Variants in UBE2B observed in about 807,000 individuals in gnomAD.
UBE2B encodes ubiquitin-conjugating enzyme E2 B.
A neutral mutation model predicts 24.6 loss-of-function variants in UBE2B; 11 were observed. That is an observed-to-expected ratio of 0.45 (90% CI 0.28 to 0.74). The LOEUF is 0.74. Among genes scored for constraint, UBE2B ranks in the 30% least tolerant of loss-of-function variants. The probability of loss-of-function intolerance (pLI) is 0.13; values close to 1 mark genes in which losing one functional copy is unlikely to be tolerated. For missense variants in UBE2B, 78 were observed against 185.6 expected (o/e 0.42, Z 3.37); for synonymous variants, 68 against 62.4 (o/e 1.09, Z -0.42).
chr5:134,378,435 T>G (rs1017088427), intron 3 of UBE2B, among the ~76,000 whole-genome samples: 47 of 152,222 alleles, frequency 3.1e-4, no homozygotes, highest in African/African-American at 1.1e-3. Flanking sequence ...AATTTTTGTA[T>G]TTTTAGTAGA....
At chr5:134,386,372 G>T (rs1225700517) in intron 4 of UBE2B, among the ~76,000 whole-genome samples, 1 of 151,202 alleles carries the variant, frequency 6.6e-6, no homozygotes, top group African/African-American at 2.4e-5. Flanking sequence ...GCTCATGCTT[G>T]TAATCCCAGC....
At chr5:134,373,814 T>C (rs1398219831) in intron 1 of UBE2B, among the ~76,000 whole-genome samples, 1 of 152,224 alleles carries the variant, frequency 6.6e-6, no homozygotes, top group Non-Finnish European at 1.5e-5. Flanking sequence ...GGACATGAAC[T>C]CATCCTTTTT....
At chr5:134,376,753 T>C in intron 3 of UBE2B, 59 bp downstream of exon 3, 2 of 1,505,708 alleles carry the variant, frequency 1.3e-6, no homozygotes, top group Non-Finnish European at 1.8e-6. Flanking sequence ...AGTAGAAAAT[T>C]GTAACACCAA....
At position 134,390,130 on chromosome 5, in the gene UBE2B, T is replaced by C; in HGVS notation, c.331-95T>C. ...TGTTAATCTCTGAAGTAATTTGTTG[T>C]TTTGTATAACTTTTCTGTAATATAT... On this transcript the variant is annotated intron_variant, in intron 5 of 5. Transcript: ENST00000265339. The surrounding 1 kb of genome is among the most constrained non-coding windows in gnomAD (Gnocchi z 4.6). The C allele has an allele frequency of 6.7e-7, 1 of 1,491,308 alleles. No individual in the cohort carries two copies. The highest frequency in any genetic ancestry group is 9.2e-7 in the Non-Finnish European group (1 of 1,083,816). 92.4% of individuals were successfully genotyped at this position (1,491,308 alleles called of 1,614,324 possible).
intron 2 of UBE2B, among the ~76,000 whole-genome samples, chr5:134,375,396 A>G (rs1758580867): frequency 6.6e-6 from 1 of 152,098 alleles, no homozygotes; most frequent in Non-Finnish European, 1.5e-5. Flanking sequence ...TAAAAAGTAA[A>G]AGGAGTATGT....
At chr5:134,374,304 A>G in intron 1 of UBE2B, 79 bp from the exon 2 acceptor site, 1 of 1,240,202 alleles carries the variant, frequency 8.1e-7, no homozygotes, top group South Asian at 1.3e-5. Context: ...AATAGATGGT[A>G]TAGTGTCTGT....
At chr5:134,376,607 T>C in intron 2 of UBE2B, 62 bp from the exon 3 acceptor site, 1 of 1,569,164 alleles carries the variant, frequency 6.4e-7, no homozygotes, top group Middle Eastern at 2.1e-4. Context: ...CTTTCCATTC[T>C]TGAAAATCAA....
intron 5 of UBE2B, 35 bp downstream of exon 5, chr5:134,388,448 G>C: frequency 6.3e-7 from 1 of 1,585,316 alleles, no homozygotes; most frequent in Non-Finnish European, 8.7e-7. Flanking sequence ...TAATTTGTCA[G>C]TATTCTGTAG....
intron 4 of UBE2B, among the ~76,000 whole-genome samples, chr5:134,381,390 G>C (rs1758707294): frequency 6.6e-6 from 1 of 152,050 alleles, no homozygotes; most frequent in Non-Finnish European, 1.5e-5. Flanking sequence ...TAACTAGCTG[G>C]GACGACAGGT....
At chr5:134,382,647 A>G (rs1385166992) in intron 4 of UBE2B, among the ~76,000 whole-genome samples, 1 of 151,460 alleles carries the variant, frequency 6.6e-6, no homozygotes, top group African/African-American at 2.4e-5. Flanking sequence ...AGTGGTGCGT[A>G]CCTGTATTCC....
chr5:134,372,397 G>A (rs1422618815), intron 1 of UBE2B, among the ~76,000 whole-genome samples: 1 of 152,162 alleles, frequency 6.6e-6, no homozygotes, highest in East Asian at 1.9e-4. Context: ...AAATAAAATA[G>A]GGTTTTGTTA....
intron 5 of UBE2B, among the ~76,000 whole-genome samples, chr5:134,389,293 A>G (rs1758860978): frequency 6.6e-6 from 1 of 151,976 alleles, no homozygotes; most frequent in Non-Finnish European, 1.5e-5. Context: ...TTCCTATCTC[A>G]TTCTCTTCCT....
At chr5:134,372,020 C>T (rs1452721206) in intron 1 of UBE2B, among the ~76,000 whole-genome samples, 2 of 152,234 alleles carry the variant, frequency 1.3e-5, no homozygotes, top group Admixed American at 6.5e-5. Flanking sequence ...GAGCTTGTTC[C>T]TCTCCGGCAG....
chr5:134,372,538 TC>T (rs1286735931), intron 1 of UBE2B, among the ~76,000 whole-genome samples: 2 of 152,232 alleles, frequency 1.3e-5, no homozygotes, highest in African/African-American at 2.4e-5. Flanking sequence ...TAACATTTTT[TC>T]TGGGGACACC....
rs1758878420 is a variant in UBE2B, at chr5:134,390,197, ATC to A, written c.331-26_331-25del. 1 of 1,613,206 alleles carries A rather than the reference ATC, an allele frequency of 6.2e-7. No individual in the cohort carries two copies. Among genetic ancestry groups the A allele is most frequent in the African/African-American group, 1.3e-5 (1 of 74,910 alleles). ...GTTGGTATAAAGAACAACTATGCAA[ATC>A]TGTTTTTTCTTTTCTTTCCTCCTAG... On this transcript the variant is annotated intron_variant, in intron 5 of 5. Coordinates refer to ENST00000265339, the MANE Select transcript of UBE2B (RefSeq NM_003337.4). This position sits in a 1 kb window ranked among gnomAD's most constrained non-coding sequence, Gnocchi z 4.6.
rs538352877 is a variant in UBE2B, at chr5:134,376,864, G to C, written c.151+170G>C. 2.6e-5 allele frequency among the ~76,000 whole-genome samples: 4 copies of C among 152,154 alleles called. No homozygotes were observed. The Middle Eastern group carries it at 0.014, about 518-fold the overall frequency. ...AAGGGACTTCTTCCCACAGCAGCTTGGTCACCTCCATTGGTAACCAATATT... is the reference window on the plus strand; with the variant it reads ...AAGGGACTTCTTCCCACAGCAGCTTCGTCACCTCCATTGGTAACCAATATT... On this transcript the variant is annotated intron_variant, in intron 3 of 5. Coordinates refer to ENST00000265339, the MANE Select transcript of UBE2B (RefSeq NM_003337.4).
rs1413460552 is a variant in UBE2B at position 134,390,186 on chromosome 5, C to A, written c.331-39C>A. 1.2e-6 allele frequency: 2 copies of A among 1,612,218 alleles called. No individual in the cohort carries two copies. The highest frequency in any genetic ancestry group is 2.2e-5 in the South Asian group (2 of 91,020). On this transcript the variant is annotated intron_variant, in intron 5 of 5. Transcript: ENST00000265339. This position sits in a 1 kb window ranked among gnomAD's most constrained non-coding sequence, Gnocchi z 4.6. ...ATCTGACCCCTGTTGGTATAAAGAA[C>A]AACTATGCAAATCTGTTTTTTCTTT... is the stretch of plus-strand genomic sequence containing the variant.
intron 1 of UBE2B, among the ~76,000 whole-genome samples, chr5:134,373,197 T>C (rs1445075197): frequency 6.6e-6 from 1 of 152,218 alleles, no homozygotes; most frequent in African/African-American, 2.4e-5. Flanking sequence ...CTAATTACTT[T>C]TTAAAGCCAT....
Position 134,374,393 on chromosome 5 carries a change from G to T in UBE2B, c.55G>T (p.Asp19Tyr). 6.4e-7 allele frequency: 1 copy of T among 1,554,732 alleles called. No homozygotes were observed. Among genetic ancestry groups the T allele is most frequent in the East Asian group, 2.4e-5 (1 of 41,560 alleles). The change falls in exon 2 of 6, where the codon GAC becomes TAC. Residue 19 changes from aspartate to tyrosine, a missense_variant. Physicochemically the swap from Asp to Tyr is radical, Grantham distance 160. Coordinates refer to ENST00000265339, the MANE Select transcript of UBE2B (RefSeq NM_003337.4). ...LMRDFKRLQE[D>Y]PPVGVSGAPS... ...ACGCTGGATTTCCAGGTTACAAGAG[G>T]ACCCACCTGTGGGTGTCAGTGGCGC...
Sources: gnomAD v4.1 joint callset for allele counts (sites outside exome capture counted in the v4.1 genomes callset) on GRCh38, gnomAD v4.1.1 for gene constraint, Gnocchi (gnomAD v3.1) non-coding constraint, MANE v1.5 for transcripts, NCBI Gene and HGNC (gene_info 2026-07-23, HGNC 2026-07-21) for gene names.